The following DCN variants were observed in gnomAD, a reference collection of about 807,000 sequenced individuals.
The protein encoded by DCN is bone proteoglycan II.
In DCN, 17 loss-of-function variants were observed where a neutral mutation model predicts 36.5. That is an observed-to-expected ratio of 0.47 (90% CI 0.32 to 0.70). The LOEUF (loss-of-function observed/expected upper bound fraction) is 0.70, where lower values mean the gene tolerates loss of function less well. Ranked by LOEUF, DCN falls within the 30% of genes least tolerant of loss-of-function variation. The probability of loss-of-function intolerance (pLI) is 0.04; values close to 1 mark genes in which losing one functional copy is unlikely to be tolerated. For synonymous variants in DCN, 163 were observed against 161.4 expected, an observed-to-expected ratio of 1.01 and a Z score of -0.07; for missense variants, 389 against 430.1, an observed-to-expected ratio of 0.90 and a Z score of 0.84.
At chr12:91,148,721 CAAAAAA>C (rs5799978) in intron 7 of DCN, among the ~76,000 whole-genome samples, 637 of 49,486 alleles carry the variant, frequency 0.013, 7 homozygotes, top group African/African-American at 0.041. Context: ...CGCTCCGACT[CAAAAAA>C]AAAAAAAAAA....
chr12:91,146,742 C>T (rs1011797886), intron 7 of DCN, among the ~76,000 whole-genome samples: 3 of 152,152 alleles, frequency 2.0e-5, no homozygotes. Context: ...TTAGTCTTGT[C>T]TTCCCCATCT....
At chr12:91,159,072 CATGT>C (rs759810179) in intron 3 of DCN, among the ~76,000 whole-genome samples, 1 of 151,936 alleles carries the variant, frequency 6.6e-6, no homozygotes, top group Non-Finnish European at 1.5e-5. Flanking sequence ...CACACACAGA[CATGT>C]ATGTATGTAT....
intron 2 of DCN, among the ~76,000 whole-genome samples, chr12:91,168,149 A>G (rs1453366538): frequency 2.0e-5 from 3 of 152,272 alleles, no homozygotes; most frequent in Non-Finnish European, 2.9e-5. Context: ...CCATTTATGC[A>G]TGTGATCATT....
At chr12:91,179,826 G>A (rs1387704518) in intron 1 of DCN, 1 of 152,064 alleles carries the variant, frequency 6.6e-6, no homozygotes, top group Non-Finnish European at 1.5e-5. Flanking sequence ...CAAACATTAT[G>A]TTTAATAAGC....
chr12:91,142,999 C>T lies in DCN; in HGVS notation c.*3059G>A, dbSNP rs1164662015. On this transcript the variant is annotated 3_prime_UTR_variant, in exon 8 of 8. Transcript: ENST00000052754. ...AGATATAATCAAGTTAAGATGGGTT[C>T]ATACTAAATTAGGGTGAGCCTTAAT... The T allele has an allele frequency of 6.6e-6, 1 of 152,024 alleles. No individual in the cohort carries two copies. Among genetic ancestry groups the T allele is most frequent in the East Asian group, 1.9e-4 (1 of 5,186 alleles). The allele number at this position is 152,024 out of a possible 1,614,324, so 9.4% of individuals were successfully genotyped here. A position where few individuals can be genotyped will look rare whatever the true frequency, so the allele number is the denominator to read the frequency against.
chr12:91,180,986 C>T (rs188615043), intron 1 of DCN: 12 of 152,224 alleles, frequency 7.9e-5, no homozygotes, highest in Non-Finnish European at 1.5e-4. Flanking sequence ...TGAGTATTAG[C>T]TGAGAGAAAT....
chr12:91,171,694 A>T (rs532022794), intron 2 of DCN, among the ~76,000 whole-genome samples: 32 of 152,342 alleles, frequency 2.1e-4, no homozygotes, highest in African/African-American at 7.7e-4. Context: ...AGCAGCAGCA[A>T]CTGTCAGTTA....
At chr12:91,149,471 G>C (rs886551271) in intron 7 of DCN, among the ~76,000 whole-genome samples, 13 of 152,282 alleles carry the variant, frequency 8.5e-5, no homozygotes, top group African/African-American at 2.9e-4. Context: ...AGCATCTATA[G>C]AAGACCTGTG....
chr12:91,164,365 ATAAAAAAAAAAT>A (rs1434903147), intron 3 of DCN, among the ~76,000 whole-genome samples: 1 of 130,666 alleles, frequency 7.7e-6, no homozygotes, highest in Non-Finnish European at 1.6e-5. Context: ...TTAGAGTATA[ATAAAAAAAAAAT>A]TAAAAAAAAA....
chr12:91,174,116 T>A (rs766945775), intron 2 of DCN, among the ~76,000 whole-genome samples: 1 of 152,206 alleles, frequency 6.6e-6, no homozygotes, highest in African/African-American at 2.4e-5. Context: ...CTTATGATTA[T>A]AAAATAGCCA....
intron 2 of DCN, chr12:91,172,586 T>C: frequency 2.1e-6 from 1 of 470,910 alleles, no homozygotes; most frequent in Non-Finnish European, 3.8e-6. Flanking sequence ...CTCAAGGAAT[T>C]TCTAAGCTTC....
In DCN at chr12:91,158,182, A is replaced by G. The variant is rs1404675255; in HGVS notation, c.538+114T>C. ...TTGGCCCTGTTCTTATAAATCACAT[A>G]GGCTCCAGGCATGTAGCTTGTAGCT... On this transcript the variant is annotated intron_variant, in intron 4 of 7. Coordinates refer to ENST00000052754, the MANE Select transcript of DCN (RefSeq NM_001920.5). 2.2e-5 allele frequency: 16 copies of G among 717,182 alleles called. 1 individual carries two copies. Among genetic ancestry groups the G allele is most frequent in the Admixed American group, 1.8e-4 (8 of 45,168 alleles). The allele number at this position is 717,182 out of a possible 1,614,324, so 44.4% of individuals were successfully genotyped here.
At chr12:91,152,473 A>C (rs1022380571) in intron 6 of DCN, among the ~76,000 whole-genome samples, 7 of 152,152 alleles carry the variant, frequency 4.6e-5, no homozygotes, top group African/African-American at 1.4e-4. Context: ...AGACAAGTGA[A>C]AACGTTTGCC....
chr12:91,156,694 T>C (rs1881797895), intron 5 of DCN, among the ~76,000 whole-genome samples: 1 of 137,468 alleles, frequency 7.3e-6, no homozygotes. Flanking sequence ...CTCCCATATA[T>C]CTTTTTTTTT....
At chr12:91,165,395 C>T (rs1882491035) in intron 2 of DCN, among the ~76,000 whole-genome samples, 1 of 152,030 alleles carries the variant, frequency 6.6e-6, no homozygotes, top group Non-Finnish European at 1.5e-5. Flanking sequence ...TGAAGCATTA[C>T]TTTTGGACTT....
intron 3 of DCN, among the ~76,000 whole-genome samples, chr12:91,161,943 A>ATTT (rs34042357): frequency 4.1e-4 from 58 of 143,048 alleles, no homozygotes; most frequent in African/African-American, 1.3e-3. Context: ...TTATCTACCA[A>ATTT]TTTTTTTTTT....
intron 2 of DCN, among the ~76,000 whole-genome samples, chr12:91,178,030 CT>C (rs1279354016): frequency 6.6e-6 from 1 of 151,712 alleles, no homozygotes; most frequent in South Asian, 2.1e-4. Context: ...GAACATAAGA[CT>C]TTTTTAATTC....
At chr12:91,148,991 G>A (rs920995045) in intron 7 of DCN, among the ~76,000 whole-genome samples, 1 of 152,074 alleles carries the variant, frequency 6.6e-6, no homozygotes, top group Admixed American at 6.5e-5. Context: ...AGGGGTGTTT[G>A]GTGAGCAATT....
At chr12:91,169,089 T>C (rs1331736819) in intron 2 of DCN, among the ~76,000 whole-genome samples, 13 of 152,146 alleles carry the variant, frequency 8.5e-5, no homozygotes, top group Non-Finnish European at 1.5e-5. Context: ...GAATCTGTAG[T>C]GTAAAGGAGA....
Sources: allele counts gnomAD v4.1 joint callset (sites outside exome capture counted in the v4.1 genomes callset), GRCh38; gene constraint gnomAD v4.1.1; transcripts MANE v1.5; gene names NCBI Gene and HGNC (gene_info 2026-07-23, HGNC 2026-07-21).